SPOCK3: variants seen among roughly 807,000 people sequenced by gnomAD.
SPOCK3 encodes testican-3.
In SPOCK3, 30 loss-of-function variants were observed where a neutral mutation model predicts 56.6. The ratio of observed to expected loss-of-function variants is 0.53; its 90% CI spans 0.40 to 0.72. SPOCK3 has a LOEUF of 0.72. SPOCK3 is among the 30% of genes least tolerant of loss of function. The pLI, the probability that SPOCK3 is intolerant of heterozygous loss-of-function variation, is 0.00. For missense variants in SPOCK3, 527 were observed against 530.0 expected (o/e 0.99, Z 0.06); for synonymous variants, 196 against 183.3 (o/e 1.07, Z -0.56).
At chr4:166,981,740 T>A (rs1243797940) in intron 4 of SPOCK3, among the ~76,000 whole-genome samples, 1 of 152,188 alleles carries the variant, frequency 6.6e-6, no homozygotes, top group East Asian at 1.9e-4. Flanking sequence ...GTCTGACTCC[T>A]GCCATCCATC....
intron 2 of SPOCK3, among the ~76,000 whole-genome samples, chr4:167,088,017 C>G (rs1402661260): frequency 2.6e-5 from 4 of 151,466 alleles, no homozygotes; most frequent in Non-Finnish European, 4.4e-5. Flanking sequence ...AGTTTATGAG[C>G]TGTGTCTATC....
At position 166,831,920 on chromosome 4, in the gene SPOCK3, G is replaced by T. The variant is rs6845116; in HGVS notation, c.590-39631C>A. ...TGAGACTCATCTGTTCATGCTTTTTGTCTTCTTTTTAATGGGGTTACTTGT... is the reference window on the plus strand; with the variant it reads ...TGAGACTCATCTGTTCATGCTTTTTTTCTTCTTTTTAATGGGGTTACTTGT... On this transcript the variant is annotated intron_variant, in intron 6 of 10. Coordinates refer to ENST00000357545, the MANE Select transcript of SPOCK3 (RefSeq NM_001040159.2). Among the ~76,000 whole-genome samples, 511 of 151,340 alleles carry T rather than the reference G, an allele frequency of 3.4e-3. 1 individual carries two copies. Among genetic ancestry groups the T allele is most frequent in the Non-Finnish European group, 6.1e-3 (411 of 67,800 alleles).
chr4:167,141,057 C>A (rs1015974991), intron 2 of SPOCK3, among the ~76,000 whole-genome samples: 1 of 151,874 alleles, frequency 6.6e-6, no homozygotes, highest in Non-Finnish European at 1.5e-5. Context: ...CAGGCTGACC[C>A]CAGAGGAGTT....
intron 2 of SPOCK3, among the ~76,000 whole-genome samples, chr4:167,135,164 C>A (rs1054547506): frequency 1.3e-5 from 2 of 150,956 alleles, no homozygotes; most frequent in African/African-American, 4.9e-5. Flanking sequence ...TTAAATTTTC[C>A]TGAACATAAT....
At chr4:166,740,111 T>C (rs1734679018) in intron 9 of SPOCK3, among the ~76,000 whole-genome samples, 1 of 152,128 alleles carries the variant, frequency 6.6e-6, no homozygotes, top group African/African-American at 2.4e-5. Context: ...ATGTCTGAAG[T>C]TTTAGCATAA....
chr4:166,920,207 T>G (rs1030248359), intron 4 of SPOCK3, among the ~76,000 whole-genome samples: 1 of 152,104 alleles, frequency 6.6e-6, no homozygotes, highest in Non-Finnish European at 1.5e-5. Context: ...ATTCCAATAT[T>G]CCATAAATTT....
intron 2 of SPOCK3, among the ~76,000 whole-genome samples, chr4:167,065,507 A>G (rs911321985): frequency 2.6e-5 from 4 of 151,906 alleles, no homozygotes; most frequent in Admixed American, 2.6e-4. Context: ...TCACAATTGT[A>G]AAACATGAAC....
At chr4:166,816,758 A>C (rs1744422349) in intron 6 of SPOCK3, among the ~76,000 whole-genome samples, 1 of 152,108 alleles carries the variant, frequency 6.6e-6, no homozygotes, top group African/African-American at 2.4e-5. Flanking sequence ...CCACAGAAGT[A>C]AGAAACAAAT....
intron 7 of SPOCK3, among the ~76,000 whole-genome samples, chr4:166,786,714 T>C (rs942846099): frequency 2.0e-5 from 3 of 152,168 alleles, no homozygotes; most frequent in African/African-American, 7.2e-5. Flanking sequence ...GTTCCAAAAT[T>C]GGTAATTTCA....
At chr4:166,920,378 C>T (rs928167664) in intron 4 of SPOCK3, among the ~76,000 whole-genome samples, 1 of 152,078 alleles carries the variant, frequency 6.6e-6, no homozygotes, top group African/African-American at 2.4e-5. Flanking sequence ...AATAAAATAT[C>T]ATAATCTAGA....
At chr4:167,059,438 A>T (rs1263354500) in intron 3 of SPOCK3, among the ~76,000 whole-genome samples, 3 of 151,982 alleles carry the variant, frequency 2.0e-5, no homozygotes, top group Non-Finnish European at 4.4e-5. Flanking sequence ...AATGCAAATC[A>T]AAACCACAAT....
chr4:166,976,522 T>C lies in SPOCK3; in HGVS notation c.350+23827A>G, dbSNP rs115445224. On this transcript the variant is annotated intron_variant, in intron 4 of 10. Transcript: ENST00000357545. ...CAACCTTAGTCCTTGATATTTGAAT[T>C]TGAACCTGGATACCCAAGTGACTCA... is the stretch of plus-strand genomic sequence containing the variant. Among the ~76,000 whole-genome samples, 1,325 of 152,260 alleles carry C rather than the reference T, an allele frequency of 8.7e-3. 9 individuals are homozygous for C. Among genetic ancestry groups the C allele is most frequent in the Non-Finnish European group, 0.014 (952 of 67,990 alleles).
chr4:167,054,816 G>C (rs1429183806), intron 3 of SPOCK3, among the ~76,000 whole-genome samples: 4 of 152,172 alleles, frequency 2.6e-5, no homozygotes, highest in Non-Finnish European at 5.9e-5. Flanking sequence ...CGAACAATTA[G>C]TTGATTTTAT....
intron 4 of SPOCK3, among the ~76,000 whole-genome samples, chr4:166,935,250 T>A (rs906348195): frequency 6.6e-6 from 1 of 152,148 alleles, no homozygotes; most frequent in South Asian, 2.1e-4. Flanking sequence ...CCAACAACCA[T>A]GAGTTTGAGA....
chr4:167,066,194 G>A (rs577211405), intron 2 of SPOCK3, among the ~76,000 whole-genome samples: 1 of 151,604 alleles, frequency 6.6e-6, no homozygotes, highest in Non-Finnish European at 1.5e-5. Flanking sequence ...GCACTTTATT[G>A]AGCACACCTA....
chr4:166,771,540 T>C (rs2126572400), intron 7 of SPOCK3, among the ~76,000 whole-genome samples: 1 of 152,146 alleles, frequency 6.6e-6, no homozygotes, highest in East Asian at 1.9e-4. Context: ...GTCCAAACCA[T>C]TATTATTACA....
intron 4 of SPOCK3, among the ~76,000 whole-genome samples, chr4:166,979,528 A>AT (rs1004569724): frequency 6.6e-6 from 1 of 151,932 alleles, no homozygotes; most frequent in African/African-American, 2.4e-5. Flanking sequence ...TTCAATGGTT[A>AT]TTTTTTTCTG....
At chr4:166,893,370 C>T (rs943456326) in intron 5 of SPOCK3, among the ~76,000 whole-genome samples, 2 of 152,072 alleles carry the variant, frequency 1.3e-5, no homozygotes, top group African/African-American at 4.8e-5. Context: ...AACAATTCTA[C>T]AAACCAACTT....
intron 6 of SPOCK3, among the ~76,000 whole-genome samples, chr4:166,808,173 GT>G (rs1157189046): frequency 6.6e-6 from 1 of 151,936 alleles, no homozygotes; most frequent in Non-Finnish European, 1.5e-5. Flanking sequence ...CTGCCCCTTT[GT>G]TTTTGTTTCT....
Sources: gnomAD v4.1 joint callset for allele counts (sites outside exome capture counted in the v4.1 genomes callset) on GRCh38, gnomAD v4.1.1 for gene constraint, MANE v1.5 for transcripts, NCBI Gene and HGNC (gene_info 2026-07-23, HGNC 2026-07-21) for gene names.